The following CD247 variants were observed in gnomAD, a reference collection of about 807,000 sequenced individuals.
CD247 encodes CD247 molecule.
A neutral mutation model predicts 30.0 loss-of-function variants in CD247; 13 were observed. That is an observed-to-expected ratio of 0.43 (90% CI 0.28 to 0.69). The LOEUF (loss-of-function observed/expected upper bound fraction) is 0.69, where lower values mean the gene tolerates loss of function less well. Among genes scored for constraint, CD247 ranks in the 30% least tolerant of loss-of-function variants. The probability of loss-of-function intolerance (pLI) is 0.16; values close to 1 mark genes in which losing one functional copy is unlikely to be tolerated. For missense variants in CD247, 193 were observed against 212.6 expected (o/e 0.91, Z 0.57); for synonymous variants, 72 against 80.0 (o/e 0.90, Z 0.53).
intron 1 of CD247, among the ~76,000 whole-genome samples, chr1:167,465,662 C>T (rs1000691493): frequency 3.3e-5 from 5 of 152,148 alleles, no homozygotes; most frequent in African/African-American, 1.2e-4. Context: ...TAGTGTTGCT[C>T]TAGTTTCTTG....
intron 1 of CD247, among the ~76,000 whole-genome samples, chr1:167,449,534 C>T (rs1230015653): frequency 2.0e-5 from 3 of 152,070 alleles, no homozygotes; most frequent in Non-Finnish European, 4.4e-5. Flanking sequence ...ATCAGAATTG[C>T]CCATAATACC....
chr1:167,518,453 C>G lies in CD247; in HGVS notation c.13G>C (p.Ala5Pro), dbSNP rs780567834. 6.2e-7 allele frequency: 1 copy of G among 1,614,162 alleles called. No homozygotes were observed. The highest frequency in any genetic ancestry group is 1.1e-5 in the South Asian group (1 of 91,080). Residue 5 changes from alanine (A) to proline (P), a missense_variant, in exon 1 of 8, where the codon GCG becomes CCG. By Grantham distance (27) the Ala-to-Pro change is conservative. Coordinates refer to ENST00000362089, the MANE Select transcript of CD247 (RefSeq NM_198053.3). ...TGCAGGATGGCCGCGGTGAAAAGCG[C>G]CTTCCACTTCATCTTGTCCTTTCCC... MKWK[A>P]LFTAAILQAQ...
At chr1:167,452,526 A>G (rs1773560) in intron 1 of CD247, among the ~76,000 whole-genome samples, 45,361 of 152,088 alleles carry the variant, frequency 0.3, 7,963 homozygotes, top group Middle Eastern at 0.44. Flanking sequence ...AAGGAGTGGC[A>G]CCTCACGAGT....
At chr1:167,450,401 C>T (rs568811595) in intron 1 of CD247, among the ~76,000 whole-genome samples, 1 of 151,612 alleles carries the variant, frequency 6.6e-6, no homozygotes, top group Non-Finnish European at 1.5e-5. Flanking sequence ...GGCTGAGGTG[C>T]GAGGATCACT....
chr1:167,434,510 G>A, intron 5 of CD247: 1 of 353,784 alleles, frequency 2.8e-6, no homozygotes, highest in Non-Finnish European at 5.5e-6. Flanking sequence ...CTCCTTCACA[G>A]AAGGCTGCCA....
chr1:167,453,483 A>T (rs566647031), intron 1 of CD247, among the ~76,000 whole-genome samples: 6 of 152,360 alleles, frequency 3.9e-5, no homozygotes, highest in African/African-American at 1.4e-4. Context: ...AATTCCAGGC[A>T]GTATTTTGCC....
chr1:167,468,601 C>T lies in CD247; in HGVS notation c.59-27834G>A, dbSNP rs575801055. 3.9e-5 allele frequency among the ~76,000 whole-genome samples: 6 copies of T among 152,304 alleles called. No homozygotes were observed. The South Asian group carries it at 8.3e-4, about 21-fold the overall frequency. ...TTTTAGAGTCTTCTTCCTTCAGTTA[C>T]AGTCAGTGACTTGCATAGAGAGCTC... On this transcript the variant is annotated intron_variant, in intron 1 of 7. Coordinates refer to ENST00000362089, the MANE Select transcript of CD247 (RefSeq NM_198053.3).
intron 1 of CD247, among the ~76,000 whole-genome samples, chr1:167,458,246 C>A (rs886279911): frequency 9.2e-5 from 14 of 152,262 alleles, no homozygotes; most frequent in Non-Finnish European, 2.1e-4. Flanking sequence ...CATCACATTC[C>A]CAAACATGCT....
At chr1:167,481,244 G>A (rs574276167) in intron 1 of CD247, among the ~76,000 whole-genome samples, 35 of 152,244 alleles carry the variant, frequency 2.3e-4, no homozygotes, top group African/African-American at 8.2e-4. Flanking sequence ...CTGAGATCAC[G>A]CCACTGCACC....
Position 167,473,910 on chromosome 1 carries a change from C to A in CD247, c.59-33143G>T, listed in dbSNP as rs1017136144. Among the ~76,000 whole-genome samples the A allele has an allele frequency of 1.1e-4, 17 of 152,304 alleles. No homozygotes were observed. In the South Asian group the frequency reaches 3.1e-3, roughly 28 times the overall value. On this transcript the variant is annotated intron_variant, in intron 1 of 7. Transcript: ENST00000362089. ...TGGAAATTAACCACTACACTCTCAT[C>A]TTCTACTTGGTTGCACCTTGCATAT... is the stretch of plus-strand genomic sequence containing the variant.
At chr1:167,467,063 T>C (rs1617988) in intron 1 of CD247, among the ~76,000 whole-genome samples, 40,787 of 152,052 alleles carry the variant, frequency 0.27, 6,733 homozygotes, top group Middle Eastern at 0.43. Flanking sequence ...TGGTCTCGAT[T>C]TCCTGACCTC....
At chr1:167,470,980 T>A (rs931443294) in intron 1 of CD247, among the ~76,000 whole-genome samples, 1 of 150,982 alleles carries the variant, frequency 6.6e-6, no homozygotes, top group Admixed American at 6.6e-5. Flanking sequence ...CAAGCAACTC[T>A]CCTGCCTCAG....
At chr1:167,442,187 T>C (rs1187591546) in intron 1 of CD247, among the ~76,000 whole-genome samples, 1 of 152,246 alleles carries the variant, frequency 6.6e-6, no homozygotes, top group Non-Finnish European at 1.5e-5. Flanking sequence ...GATTTTAGTC[T>C]GACCATACTT....
chr1:167,471,629 G>C (rs190020821), intron 1 of CD247, among the ~76,000 whole-genome samples: 1 of 151,952 alleles, frequency 6.6e-6, no homozygotes, highest in African/African-American at 2.4e-5. Flanking sequence ...AGAGATGGGG[G>C]TCTCATTCTG....
rs752198795 is a variant in CD247 at position 167,431,686 on chromosome 1, G to A, written c.490C>T (p.Arg164Cys). 12 of 1,613,036 alleles carry A rather than the reference G, an allele frequency of 7.4e-6. No individual in the cohort carries two copies. Among genetic ancestry groups the A allele is most frequent in the East Asian group, 6.7e-5 (3 of 44,894 alleles). Residue 164 changes from arginine to cysteine, a missense_variant, in exon 8 of 8, where the codon CGC becomes TGC. Arg to Cys is a radical substitution (Grantham distance 180). Coordinates refer to ENST00000362089, the MANE Select transcript of CD247 (RefSeq NM_198053.3). ...DALHMQALPPR is the reference protein window; with the variant it reads ...DALHMQALPPC ...GTGGTGAAATCCCCTGGCTGTTAGCGAGGGGGCAGGGCCTGCATGTGAAGG... is the reference window on the plus strand; with the variant it reads ...GTGGTGAAATCCCCTGGCTGTTAGCAAGGGGGCAGGGCCTGCATGTGAAGG...
chr1:167,503,963 T>C (rs1655013208), intron 1 of CD247, among the ~76,000 whole-genome samples: 1 of 152,194 alleles, frequency 6.6e-6, no homozygotes, highest in Non-Finnish European at 1.5e-5. Flanking sequence ...CCACCAGATC[T>C]TCCCTTTGCT....
At chr1:167,500,720 G>C (rs534659505) in intron 1 of CD247, among the ~76,000 whole-genome samples, 1 of 152,348 alleles carries the variant, frequency 6.6e-6, no homozygotes, top group African/African-American at 2.4e-5. Flanking sequence ...GAGCAAATCA[G>C]AGAATAACAG....
intron 1 of CD247, among the ~76,000 whole-genome samples, chr1:167,454,242 G>A (rs994929739): frequency 1.3e-5 from 2 of 152,264 alleles, no homozygotes; most frequent in African/African-American, 4.8e-5. Context: ...CTGGAGGGCC[G>A]CACACACAAA....
At chr1:167,439,946 T>C (rs1651741698) in intron 2 of CD247, 1 of 168,198 alleles carries the variant, frequency 5.9e-6, no homozygotes, top group Non-Finnish European at 1.3e-5. Flanking sequence ...GCCTCACTCC[T>C]GCTTCACTTC....
Sources: allele counts gnomAD v4.1 joint callset (sites outside exome capture counted in the v4.1 genomes callset), GRCh38; gene constraint gnomAD v4.1.1; transcripts MANE v1.5; gene names NCBI Gene and HGNC (gene_info 2026-07-23, HGNC 2026-07-21).